The following SPRED1 variants were observed in gnomAD, a reference collection of about 807,000 sequenced individuals.
SPRED1 encodes sprouty-related, EVH1 domain-containing protein 1.
SPRED1 carries 18 observed loss-of-function variants against 52.3 expected under a neutral mutation model. The ratio of observed to expected loss-of-function variants is 0.34; its 90% CI spans 0.24 to 0.51. The LOEUF (loss-of-function observed/expected upper bound fraction) is 0.51, where lower values mean the gene tolerates loss of function less well. Among genes scored for constraint, SPRED1 ranks in the 20% least tolerant of loss-of-function variants. SPRED1 has a pLI of 0.97. For missense variants in SPRED1, 485 were observed against 551.0 expected, an observed-to-expected ratio of 0.88 and a Z score of 1.20; for synonymous variants, 155 against 179.7, an observed-to-expected ratio of 0.86 and a Z score of 1.10.
chr15:38,317,262 T>C (rs1254837196), intron 2 of SPRED1, among the ~76,000 whole-genome samples: 1 of 151,962 alleles, frequency 6.6e-6, no homozygotes, highest in East Asian at 1.9e-4. Context: ...GGCAATGGCC[T>C]TTAGGATAGT....
rs1895796187 is a variant in SPRED1, at chr15:38,331,041, C to T, written c.423+6232C>T. ...CAGCTGGAATTATTTTATTGCTTTA[C>T]TCTGTATCCTTTTGCCTCCACACAC... is the stretch of plus-strand genomic sequence containing the variant. On this transcript the variant is annotated intron_variant, in intron 4 of 6. Transcript: ENST00000299084. 2.0e-5 allele frequency among the ~76,000 whole-genome samples: 3 copies of T among 152,196 alleles called. No homozygotes were observed. The South Asian group carries it at 6.2e-4, about 32-fold the overall frequency.
intron 1 of SPRED1, chr15:38,283,636 A>G (rs1894742204): frequency 2.2e-6 from 1 of 448,070 alleles, no homozygotes; most frequent in South Asian, 9.4e-5. Flanking sequence ...TATATAAGTG[A>G]AGCTGAGAGT....
At chr15:38,330,655 T>C (rs1316330650) in intron 4 of SPRED1, among the ~76,000 whole-genome samples, 3 of 152,118 alleles carry the variant, frequency 2.0e-5, no homozygotes, top group African/African-American at 7.2e-5. Flanking sequence ...TGCCAAGATA[T>C]AAGGGCTCTT....
rs931459125 is a variant in SPRED1 at position 38,353,836 on chromosome 15, T to G, written c.*2172T>G. 4 of 152,576 alleles carry G rather than the reference T, an allele frequency of 2.6e-5. No homozygotes were observed. Among genetic ancestry groups the G allele is most frequent in the Admixed American group, 2.6e-4 (4 of 15,280 alleles). The allele number at this position is 152,576 out of a possible 1,614,324, so 9.5% of individuals were successfully genotyped here. A position where few individuals can be genotyped will look rare whatever the true frequency, so the allele number is the denominator to read the frequency against. ...GTATATACTTCTGGGAGGAACAAAT[T>G]TAATCATTTCTTCTGTTAAGCACTA... On this transcript the variant is annotated 3_prime_UTR_variant, in exon 7 of 7. Coordinates refer to ENST00000299084, the MANE Select transcript of SPRED1 (RefSeq NM_152594.3).
In SPRED1 at chr15:38,351,612, G is replaced by A. The variant is rs369492789; in HGVS notation, c.1283G>A (p.Arg428His). The change falls in exon 7 of 7, where the codon CGC becomes CAC. Residue 428 changes from arginine (R) to histidine (H), a missense_variant. Physicochemically the swap from Arg to His is conservative, Grantham distance 29. Coordinates refer to ENST00000299084, the MANE Select transcript of SPRED1 (RefSeq NM_152594.3). ...CCYVPLRMCH[R>H]CGEACGCCGG... ...TACGTCCCTTTGAGAATGTGCCATC[G>A]CTGTGGTGAGGCATGTGGTTGCTGT... 5.1e-5 allele frequency: 83 copies of A among 1,613,906 alleles called. No individual in the cohort carries two copies. The highest frequency in any genetic ancestry group is 6.2e-5 in the Non-Finnish European group (73 of 1,179,996).
chr15:38,296,304 G>C (rs1895038930), intron 1 of SPRED1, among the ~76,000 whole-genome samples: 1 of 152,090 alleles, frequency 6.6e-6, no homozygotes, highest in South Asian at 2.1e-4. Context: ...ACTAGGGCTT[G>C]TAAAAATTTC....
chr15:38,278,953 G>T (rs1403116420), intron 1 of SPRED1, among the ~76,000 whole-genome samples: 2 of 150,896 alleles, frequency 1.3e-5, no homozygotes, highest in African/African-American at 4.9e-5. Context: ...TCAGCCTCCT[G>T]AGTAGCTGGG....
Position 38,262,923 on chromosome 15 carries a change from T to C in SPRED1, c.32+9706T>C, listed in dbSNP as rs544633893. Among the ~76,000 whole-genome samples, 3 of 152,328 alleles carry C rather than the reference T, an allele frequency of 2.0e-5. No individual in the cohort carries two copies. In the South Asian group the frequency reaches 6.2e-4, roughly 32 times the overall value. On this transcript the variant is annotated intron_variant, in intron 1 of 6. Transcript: ENST00000299084. ...GAGACACCAGGTGAAGTTTTCATCA[T>C]GTAGACAGTGGCGACTCAGTATTTT... is the stretch of plus-strand genomic sequence containing the variant.
intron 4 of SPRED1, among the ~76,000 whole-genome samples, chr15:38,336,816 G>A (rs2382135): frequency 0.77 from 117,482 of 151,806 alleles, 46,917 homozygotes; most frequent in Non-Finnish European, 0.87. Flanking sequence ...GGGATAAAAG[G>A]CTACACATTG....
intron 4 of SPRED1, among the ~76,000 whole-genome samples, chr15:38,338,124 T>C (rs1595755757): frequency 6.6e-6 from 1 of 151,012 alleles, no homozygotes; most frequent in South Asian, 2.1e-4. Flanking sequence ...AGGCAGAGAA[T>C]TGCTTGAACC....
At chr15:38,271,985 C>T (rs1440160526) in intron 1 of SPRED1, among the ~76,000 whole-genome samples, 1 of 152,138 alleles carries the variant, frequency 6.6e-6, no homozygotes, top group Non-Finnish European at 1.5e-5. Context: ...TTGGCTCCCC[C>T]TTGTAAGAAC....
intron 6 of SPRED1, among the ~76,000 whole-genome samples, chr15:38,350,309 C>A (rs572352150): frequency 3.4e-4 from 52 of 152,266 alleles, no homozygotes; most frequent in African/African-American, 1.2e-3. Flanking sequence ...TCTGCCCGTA[C>A]ATCCCTGGTG....
chr15:38,270,118 C>T (rs764342914), intron 1 of SPRED1, among the ~76,000 whole-genome samples: 126 of 151,878 alleles, frequency 8.3e-4, no homozygotes, highest in Non-Finnish European at 9.6e-4. Context: ...ATGTTGGCCA[C>T]GCTGTCATGA....
At chr15:38,344,712 G>T (rs1896096126) in intron 5 of SPRED1, among the ~76,000 whole-genome samples, 1 of 152,068 alleles carries the variant, frequency 6.6e-6, no homozygotes, top group Non-Finnish European at 1.5e-5. Flanking sequence ...ACCTCCTAGA[G>T]TTGTTATGAA....
At position 38,351,953 on chromosome 15, in the gene SPRED1, A is replaced by C; in HGVS notation, c.*289A>C. On this transcript the variant is annotated 3_prime_UTR_variant, in exon 7 of 7. Transcript: ENST00000299084. ...AATATGATCCAACTAAAAGGGATTA[A>C]TTTTTGGCATTTTTGTATATTTATG... The C allele has an allele frequency of 2.2e-6, 1 of 447,542 alleles. No individual in the cohort carries two copies. Among genetic ancestry groups the C allele is most frequent in the South Asian group, 2.6e-5 (1 of 37,782 alleles). The allele number at this position is 447,542 out of a possible 1,614,324, so 27.7% of individuals were successfully genotyped here. A position where few individuals can be genotyped will look rare whatever the true frequency, so the allele number is the denominator to read the frequency against.
rs1217000090 is a variant in SPRED1, at chr15:38,351,109, C to G, written c.780C>G (p.Asp260Glu). The G allele has an allele frequency of 6.2e-7, 1 of 1,614,012 alleles. No homozygotes were observed. The change falls in exon 7 of 7, where the codon GAC becomes GAG. Residue 260 changes from aspartate (D) to glutamate (E), a missense_variant. Physicochemically the swap from Asp to Glu is conservative, Grantham distance 45. Around this residue, in one of 5 missense-constraint regions of SPRED1, gnomAD observed 205 missense variants for 245.2 expected, o/e 0.84. Coordinates refer to ENST00000299084, the MANE Select transcript of SPRED1 (RefSeq NM_152594.3). The part of the protein sequence containing the change: ...PRDILIRRYA[D>E]YRHPDMWKND... ...ATATCTTAATACGTCGCTATGCAGA[C>G]TACAGACATCCTGACATGTGGAAAA...
rs565421142 is a variant in SPRED1, at chr15:38,294,421, A to T, written c.33-4952A>T. ...AAAGTTATCTTTTTCTCCTGTATAT[A>T]TATTACTGTATCTTCGAGAACGTGT... On this transcript the variant is annotated intron_variant, in intron 1 of 6. Coordinates refer to ENST00000299084, the MANE Select transcript of SPRED1 (RefSeq NM_152594.3). 3.3e-4 allele frequency among the ~76,000 whole-genome samples: 50 copies of T among 152,248 alleles called. No homozygotes were observed. In the South Asian group the frequency reaches 0.01, roughly 31 times the overall value.
In SPRED1 at chr15:38,334,292, G is replaced by A. The variant is rs146751882; in HGVS notation, c.424-5445G>A. On this transcript the variant is annotated intron_variant, in intron 4 of 6. Coordinates refer to ENST00000299084, the MANE Select transcript of SPRED1 (RefSeq NM_152594.3). Reference sequence around the variant, plus strand: ...AAAAAAAATATGACTTCAAGATAGGGTTTATCTGCTGAGGGTCCAAGTGGT... The same window carrying A: ...AAAAAAAATATGACTTCAAGATAGGATTTATCTGCTGAGGGTCCAAGTGGT... 3.4e-3 allele frequency among the ~76,000 whole-genome samples: 510 copies of A among 152,100 alleles called. 9 individuals are homozygous for A. Among genetic ancestry groups the A allele is most frequent in the Admixed American group, 0.028 (427 of 15,260 alleles).
intron 4 of SPRED1, among the ~76,000 whole-genome samples, chr15:38,334,124 T>C (rs1895860853): frequency 6.6e-6 from 1 of 152,042 alleles, no homozygotes; most frequent in Admixed American, 6.6e-5. Flanking sequence ...GCTACACATG[T>C]CAAGGTGAAT....
Sources: allele counts gnomAD v4.1 joint callset (sites outside exome capture counted in the v4.1 genomes callset), GRCh38; gene constraint gnomAD v4.1.1; regional missense constraint gnomAD v4.1.1; transcripts MANE v1.5; gene names NCBI Gene and HGNC (gene_info 2026-07-23, HGNC 2026-07-21).